GRIN2B: variants seen among roughly 807,000 people sequenced by gnomAD.
The protein encoded by GRIN2B is glutamate receptor ionotropic, NMDA 2B.
In GRIN2B, 5 loss-of-function variants were observed where a neutral mutation model predicts 114.5. The ratio of observed to expected loss-of-function variants is 0.04; its 90% confidence interval spans 0.02 to 0.09. GRIN2B has a LOEUF of 0.09. GRIN2B is among the 10% of genes least tolerant of loss of function. The pLI is 1.00. For missense variants in GRIN2B, 1,108 were observed against 1,943.5 expected (o/e 0.57, Z 8.08); for synonymous variants, 787 against 745.1 (o/e 1.06, Z -0.92).
At chr12:13,702,829 A>G (rs1950324987) in intron 4 of GRIN2B, among the ~76,000 whole-genome samples, 1 of 152,190 alleles carries the variant, frequency 6.6e-6, no homozygotes, top group Non-Finnish European at 1.5e-5. Context: ...GTGCTTGTCA[A>G]ACTCCCATTC....
At chr12:13,612,869 T>C (rs1172595137) in intron 8 of GRIN2B, among the ~76,000 whole-genome samples, 3 of 152,234 alleles carry the variant, frequency 2.0e-5, no homozygotes, top group Non-Finnish European at 4.4e-5. Flanking sequence ...CATTGTAAAC[T>C]CATAACTAAG....
At chr12:13,978,701 T>C (rs1343684282) in intron 2 of GRIN2B, among the ~76,000 whole-genome samples, 1 of 152,210 alleles carries the variant, frequency 6.6e-6, no homozygotes, top group Non-Finnish European at 1.5e-5. Context: ...ACCTGATCCC[T>C]GCATTTAGAC....
At chr12:13,609,243 C>T (rs2136471231) in intron 9 of GRIN2B, among the ~76,000 whole-genome samples, 1 of 152,270 alleles carries the variant, frequency 6.6e-6, no homozygotes, top group Non-Finnish European at 1.5e-5. Context: ...TTTGTATCTA[C>T]CAAGAATGCA....
intron 2 of GRIN2B, among the ~76,000 whole-genome samples, chr12:13,976,079 C>T (rs577632059): frequency 6.6e-6 from 1 of 152,378 alleles, no homozygotes; most frequent in East Asian, 1.9e-4. Context: ...CCGCAGGCAC[C>T]ATTAACAGCC....
chr12:13,574,922 GC>G (rs1478261356), intron 10 of GRIN2B, among the ~76,000 whole-genome samples: 1 of 152,206 alleles, frequency 6.6e-6, no homozygotes, highest in Non-Finnish European at 1.5e-5. Context: ...CACTAACAGA[GC>G]CCCACATATA....
At chr12:13,622,649 G>T (rs548186888) in intron 5 of GRIN2B, among the ~76,000 whole-genome samples, 1 of 152,070 alleles carries the variant, frequency 6.6e-6, no homozygotes, top group South Asian at 2.1e-4. Flanking sequence ...TAGAGGCTGG[G>T]AAGTCCAATA....
At chr12:13,637,646 C>A (rs1231313664) in intron 5 of GRIN2B, among the ~76,000 whole-genome samples, 1 of 152,108 alleles carries the variant, frequency 6.6e-6, no homozygotes, top group African/African-American at 2.4e-5. Flanking sequence ...CAGGGCCTTA[C>A]CTAAGCTAAC....
intron 2 of GRIN2B, among the ~76,000 whole-genome samples, chr12:13,875,070 C>T (rs1367112576): frequency 1.3e-5 from 2 of 152,110 alleles, no homozygotes; most frequent in African/African-American, 2.4e-5. Context: ...TCTCTCTCCC[C>T]CACTCCCTCC....
chr12:13,668,556 G>T (rs1195948351), intron 5 of GRIN2B, among the ~76,000 whole-genome samples: 3 of 152,042 alleles, frequency 2.0e-5, no homozygotes, highest in Non-Finnish European at 4.4e-5. Flanking sequence ...GGCTCTTGGA[G>T]CTCAGTGAAC....
chr12:13,981,092 T>G (rs1292615880), intron 1 of GRIN2B, among the ~76,000 whole-genome samples: 1 of 151,134 alleles, frequency 6.6e-6, no homozygotes, highest in Admixed American at 6.6e-5. Flanking sequence ...GCCCCTCTGC[T>G]AGGTGAAGGG....
At chr12:13,677,336 T>G (rs1392654173) in intron 4 of GRIN2B, among the ~76,000 whole-genome samples, 1 of 152,174 alleles carries the variant, frequency 6.6e-6, no homozygotes, top group African/African-American at 2.4e-5. Flanking sequence ...TTCTTCCAGG[T>G]AACATTAGGT....
chr12:13,899,036 T>C (rs955777536), intron 2 of GRIN2B, among the ~76,000 whole-genome samples: 21 of 152,202 alleles, frequency 1.4e-4, no homozygotes, highest in African/African-American at 4.8e-4. Flanking sequence ...TTCCCCATTT[T>C]ACAGATGAGA....
intron 4 of GRIN2B, among the ~76,000 whole-genome samples, chr12:13,694,656 CATATATATATATATATATAT>C (rs67570541): frequency 0.016 from 1,145 of 71,346 alleles, 82 homozygotes; most frequent in African/African-American, 0.066. Context: ...AAGAAAATGT[CATATATATATATATATATAT>C]ATATATATAT....
chr12:13,737,336 T>C (rs370827968), intron 4 of GRIN2B, among the ~76,000 whole-genome samples: 3 of 151,784 alleles, frequency 2.0e-5, no homozygotes, highest in Admixed American at 1.3e-4. Flanking sequence ...CTCAGCCTCC[T>C]GAGTAGCTGG....
chr12:13,614,710 T>C (rs556348622), intron 8 of GRIN2B, among the ~76,000 whole-genome samples: 14 of 152,334 alleles, frequency 9.2e-5, no homozygotes, highest in African/African-American at 3.1e-4. Flanking sequence ...ATTTCAATGA[T>C]ATCCAGAATT....
At chr12:13,895,717 A>G (rs964726531) in intron 2 of GRIN2B, among the ~76,000 whole-genome samples, 2 of 152,202 alleles carry the variant, frequency 1.3e-5, no homozygotes, top group African/African-American at 4.8e-5. Flanking sequence ...TGTGATTAGC[A>G]TATGTAAAGT....
chr12:13,846,471 G>A (rs1865475161), intron 3 of GRIN2B, among the ~76,000 whole-genome samples: 2 of 152,160 alleles, frequency 1.3e-5, no homozygotes, highest in South Asian at 2.1e-4. Context: ...ATGAGGTTGA[G>A]ACTTCTATAG....
intron 3 of GRIN2B, among the ~76,000 whole-genome samples, chr12:13,829,474 T>C (rs1043904174): frequency 3.3e-5 from 5 of 152,204 alleles, no homozygotes; most frequent in African/African-American, 1.2e-4. Flanking sequence ...GTGCGGGAAT[T>C]GAGCCCTTAA....
chr12:13,660,284 CT>C (rs1322707411), intron 5 of GRIN2B, among the ~76,000 whole-genome samples: 4 of 152,172 alleles, frequency 2.6e-5, no homozygotes, highest in Non-Finnish European at 5.9e-5. Flanking sequence ...ATCTTAGCGG[CT>C]GCCTACCACA....
Sources: gnomAD v4.1 joint callset for allele counts (sites outside exome capture counted in the v4.1 genomes callset) on GRCh38, gnomAD v4.1.1 for gene constraint, MANE v1.5 for transcripts, NCBI Gene and HGNC (gene_info 2026-07-23, HGNC 2026-07-21) for gene names.